RASGRF2: variants seen among roughly 807,000 people sequenced by gnomAD.
RASGRF2 encodes the protein ras-specific guanine nucleotide-releasing factor 2.
In RASGRF2, 76 loss-of-function variants were observed where a neutral mutation model predicts 151.0. The observed-to-expected ratio is 0.50, with a 90% confidence interval of 0.42 to 0.61. The LOEUF (loss-of-function observed/expected upper bound fraction) is 0.61, where lower values mean the gene tolerates loss of function less well. Ranked by LOEUF, RASGRF2 falls within the 20% of genes least tolerant of loss-of-function variation. The probability of loss-of-function intolerance (pLI) is 0.00; values close to 1 mark genes in which losing one functional copy is unlikely to be tolerated. For synonymous variants in RASGRF2, 504 were observed against 566.5 expected (o/e 0.89, Z 1.57); for missense variants, 1,148 against 1,564.6 (o/e 0.73, Z 4.49).
intron 16 of RASGRF2, 89 bp from the exon 17 acceptor site, chr5:81,126,985 T>G (rs1753473488): frequency 7.1e-7 from 1 of 1,418,050 alleles, no homozygotes; most frequent in Non-Finnish European, 9.8e-7. Context: ...CAGTCCTTCA[T>G]CTGGTGCAGG....
intron 9 of RASGRF2, among the ~76,000 whole-genome samples, chr5:81,092,555 C>T (rs1752420068): frequency 6.6e-6 from 1 of 152,092 alleles, no homozygotes; most frequent in Admixed American, 6.5e-5. Context: ...AACTTATTTT[C>T]CAGTTTATAG....
At chr5:81,078,389 T>C (rs1285215620) in intron 5 of RASGRF2, among the ~76,000 whole-genome samples, 1 of 152,180 alleles carries the variant, frequency 6.6e-6, no homozygotes, top group Non-Finnish European at 1.5e-5. Flanking sequence ...CCTCTCTTCA[T>C]CCTTTCCTTC....
At chr5:80,990,711 G>C (rs1748622680) in intron 1 of RASGRF2, among the ~76,000 whole-genome samples, 3 of 152,138 alleles carry the variant, frequency 2.0e-5, no homozygotes, top group Non-Finnish European at 4.4e-5. Context: ...TTGCTGGCTG[G>C]CTGGCGTCTT....
intron 4 of RASGRF2, 149 bp downstream of exon 4, chr5:81,070,730 A>T (rs1022627052): frequency 2.5e-5 from 16 of 629,064 alleles, no homozygotes; most frequent in Non-Finnish European, 3.9e-5. Context: ...AGTGATCCAG[A>T]CATGGCTACT....
At chr5:81,210,302 G>C (rs1469334844) in intron 22 of RASGRF2, 5 of 152,244 alleles carry the variant, frequency 3.3e-5, no homozygotes, top group Non-Finnish European at 7.3e-5. Context: ...TGTCTCTTCT[G>C]TCTCAGCTGC....
chr5:80,994,427 G>T (rs1288089723), intron 1 of RASGRF2, among the ~76,000 whole-genome samples: 1 of 150,496 alleles, frequency 6.6e-6, no homozygotes, highest in East Asian at 1.9e-4. Flanking sequence ...CAATGCTGAA[G>T]AAATCAAACA....
intron 3 of RASGRF2, among the ~76,000 whole-genome samples, chr5:81,069,092 C>T (rs1279488594): frequency 6.6e-6 from 1 of 152,216 alleles, no homozygotes; most frequent in Non-Finnish European, 1.5e-5. Context: ...ATGTTCTTGT[C>T]ATTTTTATTG....
At chr5:81,001,761 G>A (rs1358669374) in intron 1 of RASGRF2, among the ~76,000 whole-genome samples, 2 of 152,098 alleles carry the variant, frequency 1.3e-5, no homozygotes, top group Non-Finnish European at 2.9e-5. Context: ...GTTCTGCTGT[G>A]GGATTGTAAC....
At chr5:80,974,913 T>C (rs967736491) in intron 1 of RASGRF2, among the ~76,000 whole-genome samples, 5 of 152,192 alleles carry the variant, frequency 3.3e-5, no homozygotes, top group African/African-American at 1.2e-4. Context: ...CAGGCATTAG[T>C]GTGGGGGCAC....
Position 80,988,006 on chromosome 5 carries a change from TGC to T in RASGRF2, c.288+26982_288+26983del, listed in dbSNP as rs1170891848. On this transcript the variant is annotated intron_variant, in intron 1 of 26. Coordinates refer to ENST00000265080, the MANE Select transcript of RASGRF2 (RefSeq NM_006909.3). Reference sequence around the variant, plus strand: ...CTCATGTGTAGTTTTGAAATAAATGTGCGTGTGTGTGTGTGTGTGTGTGTGTG... The same window carrying T: ...CTCATGTGTAGTTTTGAAATAAATGTGTGTGTGTGTGTGTGTGTGTGTGTG... 9.7e-4 allele frequency among the ~76,000 whole-genome samples: 122 copies of T among 125,268 alleles called. No individual in the cohort carries two copies. In the South Asian group the frequency reaches 0.013, roughly 13 times the overall value. 82.2% of individuals were successfully genotyped at this position (125,268 alleles called of 152,430 possible). A position where few individuals can be genotyped will look rare whatever the true frequency, so the allele number is the denominator to read the frequency against.
intron 1 of RASGRF2, among the ~76,000 whole-genome samples, chr5:81,007,860 C>T (rs1431983184): frequency 6.6e-6 from 1 of 152,082 alleles, no homozygotes; most frequent in Non-Finnish European, 1.5e-5. Flanking sequence ...TGCAGCTTCT[C>T]ATTTGGGAGG....
At chr5:80,993,192 C>T (rs576058826) in intron 1 of RASGRF2, among the ~76,000 whole-genome samples, 1 of 152,294 alleles carries the variant, frequency 6.6e-6, no homozygotes, top group African/African-American at 2.4e-5. Context: ...GCCTGCACCT[C>T]CCTGGCTGCC....
At chr5:81,073,811 G>A (rs1190024201) in intron 5 of RASGRF2, among the ~76,000 whole-genome samples, 1 of 152,068 alleles carries the variant, frequency 6.6e-6, no homozygotes, top group Non-Finnish European at 1.5e-5. Context: ...TAGAGACGGG[G>A]TTTCACCGTG....
At position 81,225,900 on chromosome 5, in the gene RASGRF2, A is replaced by G; in HGVS notation, c.*130A>G. ...TCTCCACCAAAGAAGATGGAACCAG[A>G]CTGGAATTCTGTCTCCAGAGAGAAA... On this transcript the variant is annotated 3_prime_UTR_variant, in exon 27 of 27. Coordinates refer to ENST00000265080, the MANE Select transcript of RASGRF2 (RefSeq NM_006909.3). 1 of 988,898 alleles carries G rather than the reference A, an allele frequency of 1.0e-6. No homozygotes were observed. The highest frequency in any genetic ancestry group is 1.4e-6 in the Non-Finnish European group (1 of 720,018). The allele number at this position is 988,898 out of a possible 1,614,324, so 61.3% of individuals were successfully genotyped here.
intron 12 of RASGRF2, among the ~76,000 whole-genome samples, chr5:81,104,290 A>G (rs1292028726): frequency 6.6e-6 from 1 of 152,090 alleles, no homozygotes; most frequent in Non-Finnish European, 1.5e-5. Context: ...ATAAAAAATA[A>G]AAACATTAAG....
At chr5:81,034,804 T>TCGG (rs1554087627) in intron 1 of RASGRF2, among the ~76,000 whole-genome samples, 2 of 89,370 alleles carry the variant, frequency 2.2e-5, no homozygotes, top group African/African-American at 9.3e-5. Context: ...TGTTGTGGGG[T>TCGG]GGGAGGGGGG....
At chr5:80,980,271 C>T (rs1748255376) in intron 1 of RASGRF2, among the ~76,000 whole-genome samples, 1 of 152,136 alleles carries the variant, frequency 6.6e-6, no homozygotes, top group Admixed American at 6.6e-5. Flanking sequence ...CCCCAGGGCC[C>T]ACCAGCCCTT....
At chr5:81,087,983 A>G (rs889091315) in intron 9 of RASGRF2, 2 of 152,246 alleles carry the variant, frequency 1.3e-5, no homozygotes, top group Admixed American at 6.5e-5. Flanking sequence ...TCTATTTTCC[A>G]TTATTTATTT....
chr5:81,206,903 A>G lies in RASGRF2; in HGVS notation c.2965A>G (p.Met989Val). ...CCTAAAATTAGAGGATATAATTCAA[A>G]TGGTAAGTCTGACCACATTTTTATC... ...IHLKLEDIIQ[M>V]TDCMKAECFE... The change falls in exon 20 of 27, where the codon ATG becomes GTG. Residue 989 changes from methionine to valine, a missense_variant and splice_region_variant. Met to Val is a conservative substitution (Grantham distance 21). Transcript: ENST00000265080. The G allele has an allele frequency of 6.2e-7, 1 of 1,604,598 alleles. No homozygotes were observed. Among genetic ancestry groups the G allele is most frequent in the Non-Finnish European group, 8.5e-7 (1 of 1,171,332 alleles).
Sources: gnomAD v4.1 joint callset for allele counts (sites outside exome capture counted in the v4.1 genomes callset) on GRCh38, gnomAD v4.1.1 for gene constraint, MANE v1.5 for transcripts, NCBI Gene and HGNC (gene_info 2026-07-23, HGNC 2026-07-21) for gene names.